The following THSD7B variants were observed in gnomAD, a reference collection of about 807,000 sequenced individuals.
THSD7B encodes thrombospondin type-1 domain-containing protein 7B.
THSD7B carries 138 observed loss-of-function variants against 213.6 expected under a neutral mutation model. The ratio of observed to expected loss-of-function variants is 0.65; its 90% CI spans 0.56 to 0.74. THSD7B has a LOEUF of 0.74. Among genes scored for constraint, THSD7B ranks in the 30% least tolerant of loss-of-function variants. The pLI, the probability that THSD7B is intolerant of heterozygous loss-of-function variation, is 0.00. For missense variants in THSD7B, 1,931 were observed against 1,991.5 expected (o/e 0.97, Z 0.58); for synonymous variants, 742 against 687.0 (o/e 1.08, Z -1.25).
intron 15 of THSD7B, among the ~76,000 whole-genome samples, chr2:137,560,056 A>T (rs189319207): frequency 1.0e-3 from 159 of 151,928 alleles, no homozygotes; most frequent in Middle Eastern, 3.4e-3. Context: ...AAAAGTCAGG[A>T]AACAACAGGT....
intron 2 of THSD7B, among the ~76,000 whole-genome samples, chr2:136,981,088 A>T (rs1573747546): frequency 1.3e-5 from 2 of 152,146 alleles, no homozygotes; most frequent in Admixed American, 6.5e-5. Context: ...TTACTTTTAT[A>T]AAAACTTTTT....
intron 15 of THSD7B, among the ~76,000 whole-genome samples, chr2:137,469,058 G>A (rs1688045183): frequency 6.6e-6 from 1 of 152,122 alleles, no homozygotes; most frequent in African/African-American, 2.4e-5. Flanking sequence ...ATAAAGTCCA[G>A]GGAAAATAAT....
chr2:137,641,662 A>G (rs374361432), intron 20 of THSD7B, among the ~76,000 whole-genome samples: 11 of 152,320 alleles, frequency 7.2e-5, no homozygotes, highest in African/African-American at 2.6e-4. Context: ...TCACTATTCC[A>G]CCTGATGAGC....
At chr2:137,034,184 A>C (rs1479212494) in intron 2 of THSD7B, among the ~76,000 whole-genome samples, 1 of 151,970 alleles carries the variant, frequency 6.6e-6, no homozygotes, top group Non-Finnish European at 1.5e-5. Context: ...ACATTTTCTT[A>C]AGCCAGCCTA....
chr2:137,300,321 C>A (rs1485515320), intron 12 of THSD7B, among the ~76,000 whole-genome samples: 2 of 152,086 alleles, frequency 1.3e-5, no homozygotes, highest in Non-Finnish European at 2.9e-5. Flanking sequence ...TGAGCCTGGG[C>A]AAGTTATTTT....
chr2:137,231,588 TA>T (rs1192467858), intron 8 of THSD7B, among the ~76,000 whole-genome samples: 2 of 32,276 alleles, frequency 6.2e-5, no homozygotes, highest in Admixed American at 6.0e-4. Flanking sequence ...ATAATTAGAC[TA>T]TGTTTAGTAA....
chr2:137,361,665 C>A lies in THSD7B; in HGVS notation c.2501-43948C>A, dbSNP rs751348778. Among the ~76,000 whole-genome samples the A allele has an allele frequency of 7.2e-5, 11 of 151,878 alleles. No individual in the cohort carries two copies. In the East Asian group the frequency reaches 7.7e-4, roughly 11 times the overall value. On this transcript the variant is annotated intron_variant, in intron 12 of 27. Coordinates refer to ENST00000409968, the MANE Select transcript of THSD7B (RefSeq NM_001316349.2). ...AAGATCAAATGAATGAAATGAAGCG[C>A]GAAGAGAAGTTTAAAGTAAAAACAG...
At chr2:137,141,342 G>A (rs1679580536) in intron 5 of THSD7B, among the ~76,000 whole-genome samples, 1 of 152,108 alleles carries the variant, frequency 6.6e-6, no homozygotes, top group South Asian at 2.1e-4. Context: ...ACAAAACTAA[G>A]ACCAATCAGA....
chr2:136,938,926 G>A (rs1025631787), intron 2 of THSD7B, among the ~76,000 whole-genome samples: 1 of 152,116 alleles, frequency 6.6e-6, no homozygotes, highest in South Asian at 2.1e-4. Context: ...GGGAAAAAAG[G>A]AAAATAATAC....
intron 9 of THSD7B, among the ~76,000 whole-genome samples, chr2:137,233,551 A>C (rs972724275): frequency 6.6e-6 from 1 of 152,218 alleles, no homozygotes; most frequent in African/African-American, 2.4e-5. Context: ...CTCCTGCATT[A>C]AATAGATACA....
chr2:137,405,932 T>C, intron 13 of THSD7B, 125 bp downstream of exon 13: 1 of 758,498 alleles, frequency 1.3e-6, no homozygotes, highest in Non-Finnish European at 2.1e-6. Flanking sequence ...CATTCGTTAA[T>C]ACATATCCTC....
chr2:137,659,824 G>T, intron 25 of THSD7B, 78 bp downstream of exon 25: 1 of 1,397,956 alleles, frequency 7.2e-7, no homozygotes, highest in Non-Finnish European at 9.7e-7. Flanking sequence ...TCTCCTGCCG[G>T]CTGCAGCCCA....
intron 2 of THSD7B, among the ~76,000 whole-genome samples, chr2:136,947,524 T>A (rs994471386): frequency 1.3e-5 from 2 of 152,218 alleles, no homozygotes; most frequent in Non-Finnish European, 2.9e-5. Flanking sequence ...GAAAGAGAGC[T>A]TAAATCTAAA....
At chr2:137,307,442 A>C (rs1475194034) in intron 12 of THSD7B, among the ~76,000 whole-genome samples, 3 of 152,200 alleles carry the variant, frequency 2.0e-5, no homozygotes, top group East Asian at 3.9e-4. Context: ...CCAGGAATAA[A>C]AGGAGGCTGT....
At chr2:136,972,269 A>G (rs903891186) in intron 2 of THSD7B, among the ~76,000 whole-genome samples, 14 of 152,224 alleles carry the variant, frequency 9.2e-5, no homozygotes, top group Non-Finnish European at 1.9e-4. Flanking sequence ...AAGTTAGTAG[A>G]TAACTTCCTA....
chr2:137,126,211 TCTC>T (rs1165385020), intron 5 of THSD7B, among the ~76,000 whole-genome samples: 2 of 152,130 alleles, frequency 1.3e-5, no homozygotes, highest in African/African-American at 4.8e-5. Context: ...GGCATTGACT[TCTC>T]CTCTTTAGCT....
intron 21 of THSD7B, among the ~76,000 whole-genome samples, chr2:137,655,218 T>C (rs937524139): frequency 6.6e-6 from 1 of 152,198 alleles, no homozygotes; most frequent in Non-Finnish European, 1.5e-5. Context: ...AAATTATGTA[T>C]TGTTTTCTTT....
At chr2:136,938,951 T>C (rs1684775223) in intron 2 of THSD7B, among the ~76,000 whole-genome samples, 1 of 152,182 alleles carries the variant, frequency 6.6e-6, no homozygotes, top group African/African-American at 2.4e-5. Context: ...CACACTGCTA[T>C]AGAAATTAAG....
At chr2:136,954,180 G>T (rs949797277) in intron 2 of THSD7B, among the ~76,000 whole-genome samples, 3 of 152,148 alleles carry the variant, frequency 2.0e-5, no homozygotes, top group African/African-American at 7.2e-5. Context: ...GTGAAATGTG[G>T]ACCAAAAGAG....
Sources: allele counts gnomAD v4.1 joint callset (sites outside exome capture counted in the v4.1 genomes callset), GRCh38; gene constraint gnomAD v4.1.1; transcripts MANE v1.5; gene names NCBI Gene and HGNC (gene_info 2026-07-23, HGNC 2026-07-21).